The following CEP85L variants were observed in gnomAD, a reference collection of about 807,000 sequenced individuals.
The protein encoded by CEP85L is centrosomal protein of 85 kDa-like.
A neutral mutation model predicts 100.3 loss-of-function variants in CEP85L; 60 were observed. The observed-to-expected ratio is 0.60, with a 90% confidence interval of 0.49 to 0.74. The LOEUF is 0.74. CEP85L is among the 30% of genes least tolerant of loss of function. CEP85L has a pLI of 0.00. For synonymous variants in CEP85L, 319 were observed against 322.7 expected, an observed-to-expected ratio of 0.99 and a Z score of 0.12; for missense variants, 973 against 936.2, an observed-to-expected ratio of 1.04 and a Z score of -0.51.
intron 5 of CEP85L, among the ~76,000 whole-genome samples, chr6:118,492,489 A>G (rs1774641843): frequency 1.3e-5 from 2 of 152,160 alleles, no homozygotes; most frequent in Admixed American, 6.5e-5. Context: ...TGCTTCTATG[A>G]GCAAGGCTTT....
chr6:118,659,488 G>A (rs1278233345), intron 1 of CEP85L, among the ~76,000 whole-genome samples: 1 of 152,208 alleles, frequency 6.6e-6, no homozygotes, highest in Non-Finnish European at 1.5e-5. Context: ...GCGAAAGATA[G>A]CTGAAGGATA....
intron 2 of CEP85L, among the ~76,000 whole-genome samples, chr6:118,602,452 G>C (rs1374506923): frequency 6.6e-6 from 1 of 152,184 alleles, no homozygotes; most frequent in Non-Finnish European, 1.5e-5. Context: ...TGATTGCAAT[G>C]TGCCCAGAAT....
chr6:118,580,554 A>G (rs2115072254), intron 2 of CEP85L, among the ~76,000 whole-genome samples: 1 of 152,048 alleles, frequency 6.6e-6, no homozygotes, highest in Admixed American at 6.6e-5. Flanking sequence ...AACATGGAGA[A>G]CCCCCCAATA....
intron 2 of CEP85L, chr6:118,574,080 T>G (rs1470828605): frequency 6.6e-6 from 1 of 152,206 alleles, no homozygotes; most frequent in Non-Finnish European, 1.5e-5. Context: ...CCCTTCCTGC[T>G]CAATCTGTAA....
At position 118,651,416 on chromosome 6, in the gene CEP85L, G is replaced by C; in HGVS notation, c.-147C>G. 1 of 1,345,084 alleles carries C rather than the reference G, an allele frequency of 7.4e-7. No individual in the cohort carries two copies. Among genetic ancestry groups the C allele is most frequent in the East Asian group, 3.1e-5 (1 of 31,840 alleles). 83.3% of individuals were successfully genotyped at this position (1,345,084 alleles called of 1,614,324 possible). On this transcript the variant is annotated 5_prime_UTR_variant, in exon 1 of 13. Coordinates refer to ENST00000368491, the MANE Select transcript of CEP85L (RefSeq NM_001042475.3). ...GGGATGGCTGGTTAACGGCTGCTCA[G>C]CTACGGGCGGGGAGCGCAGGGGCCA... is the stretch of plus-strand genomic sequence containing the variant.
intron 6 of CEP85L, among the ~76,000 whole-genome samples, chr6:118,484,883 A>T (rs1231729680): frequency 6.6e-6 from 1 of 152,206 alleles, no homozygotes; most frequent in African/African-American, 2.4e-5. Context: ...ACCAATTCAT[A>T]CCTCAAGCAA....
chr6:118,473,627 G>A (rs1443497030), intron 10 of CEP85L, among the ~76,000 whole-genome samples: 1 of 152,090 alleles, frequency 6.6e-6, no homozygotes, highest in East Asian at 1.9e-4. Context: ...TCTGATTTTT[G>A]TTCAAAAGGA....
intron 2 of CEP85L, among the ~76,000 whole-genome samples, chr6:118,598,367 A>G (rs1358732582): frequency 1.3e-5 from 2 of 152,228 alleles, no homozygotes; most frequent in Non-Finnish European, 2.9e-5. Context: ...CCATAAAAAT[A>G]CATTAAAATT....
chr6:118,465,325 A>T lies in CEP85L; in HGVS notation c.*80T>A. On this transcript the variant is annotated 3_prime_UTR_variant, in exon 13 of 13. Coordinates refer to ENST00000368491, the MANE Select transcript of CEP85L (RefSeq NM_001042475.3). ...AAAATCCCTAAGTGCAAGTCATGTC[A>T]CTTGCAACCTTCCATTATGGCTCCA... The T allele has an allele frequency of 1.5e-6, 2 of 1,373,226 alleles. No homozygotes were observed. Among genetic ancestry groups the T allele is most frequent in the South Asian group, 3.0e-5 (2 of 66,200 alleles). 85.1% of individuals were successfully genotyped at this position (1,373,226 alleles called of 1,614,324 possible).
intron 1 of CEP85L, among the ~76,000 whole-genome samples, chr6:118,662,753 A>C (rs1027373428): frequency 2.6e-5 from 4 of 152,188 alleles, no homozygotes; most frequent in Non-Finnish European, 5.9e-5. Flanking sequence ...CAATTAAAAC[A>C]TATGGACATG....
At chr6:118,524,665 T>G (rs564498762) in intron 3 of CEP85L, among the ~76,000 whole-genome samples, 1 of 152,236 alleles carries the variant, frequency 6.6e-6, no homozygotes, top group Non-Finnish European at 1.5e-5. Flanking sequence ...CATCACATCA[T>G]CATTTAGTTA....
At chr6:118,661,782 G>A (rs538901293) in intron 1 of CEP85L, among the ~76,000 whole-genome samples, 2 of 152,286 alleles carry the variant, frequency 1.3e-5, no homozygotes, top group Non-Finnish European at 2.9e-5. Context: ...GGAAAAAATA[G>A]AGAAGGAAGA....
At chr6:118,503,112 A>C (rs1220302567) in intron 5 of CEP85L, among the ~76,000 whole-genome samples, 2 of 152,244 alleles carry the variant, frequency 1.3e-5, no homozygotes, top group African/African-American at 4.8e-5. Context: ...ATACAAGGTT[A>C]ACACACAAAA....
chr6:118,523,919 A>T lies in CEP85L; in HGVS notation c.1022T>A (p.Val341Asp), dbSNP rs766819292. 9 of 1,455,110 alleles carry T rather than the reference A, an allele frequency of 6.2e-6. No individual in the cohort carries two copies. The East Asian group carries it at 6.8e-5, about 11-fold the overall frequency. 90.1% of individuals were successfully genotyped at this position (1,455,110 alleles called of 1,614,324 possible). The change falls in exon 4 of 13, where the codon GTT becomes GAT. Residue 341 changes from valine to aspartate, a missense_variant and splice_region_variant. Around this residue, in one of 3 missense-constraint regions of CEP85L, gnomAD observed 890 missense variants for 844.5 expected, o/e 1.05. Transcript: ENST00000368491. ...FRQGSETPMQ[V>D]LTGSSRQSYS... ...ACTTTGACGAGATGATCCAGTCAAA[A>T]CCTGCAGAAACATGTTTACACAATT...
intron 2 of CEP85L, among the ~76,000 whole-genome samples, chr6:118,619,360 C>A (rs1583178221): frequency 6.6e-6 from 1 of 152,330 alleles, no homozygotes; most frequent in East Asian, 1.9e-4. Context: ...ACAACTAGAT[C>A]TTTTCTGTAA....
At chr6:118,597,337 A>G (rs1052294478) in intron 2 of CEP85L, among the ~76,000 whole-genome samples, 2 of 152,218 alleles carry the variant, frequency 1.3e-5, no homozygotes, top group African/African-American at 4.8e-5. Context: ...ATTCTTTTCC[A>G]TTAGAATATT....
intron 4 of CEP85L, among the ~76,000 whole-genome samples, chr6:118,522,275 A>T (rs1036559510): frequency 1.3e-5 from 2 of 152,136 alleles, no homozygotes; most frequent in Non-Finnish European, 2.9e-5. Context: ...CAGGAGAATC[A>T]CTTGAACCCA....
At chr6:118,616,624 C>G (rs1452264344) in intron 2 of CEP85L, among the ~76,000 whole-genome samples, 1 of 144,934 alleles carries the variant, frequency 6.9e-6, no homozygotes, top group African/African-American at 2.6e-5. Context: ...ACAGCCTGGG[C>G]AACACTGCAG....
At chr6:118,504,131 TG>T (rs1775492116) in intron 5 of CEP85L, among the ~76,000 whole-genome samples, 1 of 152,176 alleles carries the variant, frequency 6.6e-6, no homozygotes, top group Non-Finnish European at 1.5e-5. Context: ...CACAGCACTT[TG>T]GGTGGCCGAG....
Sources: allele counts gnomAD v4.1 joint callset (sites outside exome capture counted in the v4.1 genomes callset), GRCh38; gene constraint gnomAD v4.1.1; regional missense constraint gnomAD v4.1.1; transcripts MANE v1.5; gene names NCBI Gene and HGNC (gene_info 2026-07-23, HGNC 2026-07-21).